The following RASSF3 variants were observed in gnomAD, a reference collection of about 807,000 sequenced individuals.
RASSF3 encodes ras association domain-containing protein 3.
A neutral mutation model predicts 19.9 loss-of-function variants in RASSF3; 19 were observed. The ratio of observed to expected loss-of-function variants is 0.96; its 90% CI spans 0.67 to 1.40. RASSF3 has a LOEUF of 1.40. Among genes scored for constraint, RASSF3 ranks in the 40% most tolerant of loss-of-function variants. The pLI, the probability that RASSF3 is intolerant of heterozygous loss-of-function variation, is 0.00. For synonymous variants in RASSF3, 110 were observed against 104.2 expected, an observed-to-expected ratio of 1.06 and a Z score of -0.34; for missense variants, 306 against 289.8, an observed-to-expected ratio of 1.06 and a Z score of -0.41.
Position 64,513,243 on chromosome 12 carries a change from G to A in RASSF3, c.169+5914G>A, listed in dbSNP as rs141437340. 1.5e-3 allele frequency among the ~76,000 whole-genome samples: 223 copies of A among 152,042 alleles called. 1 individual carries two copies. The highest frequency in any genetic ancestry group is 5.2e-3 in the African/African-American group (217 of 41,464). On this transcript the variant is annotated intron_variant, in intron 1 of 5. Coordinates refer to the RASSF3 transcript ENST00000637125. ...GTGGATCACCTGAGGTCAGGAGTTCGAGACCAGCCTGGCTAACATGGCAAA... is the reference window on the plus strand; with the variant it reads ...GTGGATCACCTGAGGTCAGGAGTTCAAGACCAGCCTGGCTAACATGGCAAA...
chr12:64,641,090 G>A (rs1871501595), intron 1 of RASSF3, among the ~76,000 whole-genome samples: 1 of 152,016 alleles, frequency 6.6e-6, no homozygotes. Flanking sequence ...GTTTCCATGT[G>A]ACTTAGAGCT....
chr12:64,573,318 A>G, intron 2 of RASSF3, among the ~76,000 whole-genome samples: 1 of 152,204 alleles, frequency 6.6e-6, no homozygotes, highest in East Asian at 1.9e-4. Context: ...CTTAAAAACA[A>G]ACAAACAAAA....
At chr12:64,526,237 G>A (rs1175710968) in intron 1 of RASSF3, among the ~76,000 whole-genome samples, 1 of 152,106 alleles carries the variant, frequency 6.6e-6, no homozygotes, top group Non-Finnish European at 1.5e-5. Flanking sequence ...ATGATGTTTT[G>A]AAATATGTAC....
At chr12:64,527,721 A>T (rs1466715699) in intron 1 of RASSF3, among the ~76,000 whole-genome samples, 1 of 152,018 alleles carries the variant, frequency 6.6e-6, no homozygotes, top group Non-Finnish European at 1.5e-5. Context: ...GATCACTTGA[A>T]GCCAGGAGTT....
chr12:64,507,133 T>TA, exon 1 of RASSF3: 1 of 398,544 alleles, frequency 2.5e-6, no homozygotes, highest in African/African-American at 2.1e-5. Flanking sequence ...TAAAGTGTCA[T>TA]ATGTGGGTGT....
At chr12:64,636,740 C>G (rs1352982278) in intron 1 of RASSF3, among the ~76,000 whole-genome samples, 5 of 151,960 alleles carry the variant, frequency 3.3e-5, no homozygotes, top group Non-Finnish European at 5.9e-5. Flanking sequence ...GTGGTGCATG[C>G]CTGTAATCCC....
At chr12:64,635,028 C>T (rs113248841) in intron 1 of RASSF3, among the ~76,000 whole-genome samples, 2,435 of 147,122 alleles carry the variant, frequency 0.017, 65 homozygotes, top group African/African-American at 0.059. Context: ...TACAGTGGTG[C>T]AGTCTTGGCT....
At chr12:64,688,550 G>A (rs508792) in intron 3 of RASSF3, 97 bp downstream of exon 3, 359,338 of 854,986 alleles carry the variant, frequency 0.42, 78,673 homozygotes, top group Middle Eastern at 0.52. Context: ...ATCCATGTCA[G>A]TTGTGTCAGA....
chr12:64,576,927 G>GCAGGAGGCA lies in RASSF3; in HGVS notation c.294+35225_294+35226insGAGGCACAG, dbSNP rs370879155. On this transcript the variant is annotated intron_variant, in intron 2 of 5. Transcript: ENST00000637125. ...TATGATATTATACAAAGTAAAGGAA[G>GCAGGAGGCA]CAGTGGCATGCATGCTATAATAACA... 1.8e-3 allele frequency among the ~76,000 whole-genome samples: 267 copies of GCAGGAGGCA among 151,026 alleles called. 1 individual carries two copies. Among genetic ancestry groups the GCAGGAGGCA allele is most frequent in the African/African-American group, 6.3e-3 (259 of 41,144 alleles).
At chr12:64,562,835 C>T (rs1339169162) in intron 2 of RASSF3, among the ~76,000 whole-genome samples, 1 of 152,036 alleles carries the variant, frequency 6.6e-6, no homozygotes, top group Non-Finnish European at 1.5e-5. Flanking sequence ...ACTTTGTTCC[C>T]CATGCTGGTC....
chr12:64,625,423 G>A (rs1222181468), intron 1 of RASSF3, among the ~76,000 whole-genome samples: 2 of 151,082 alleles, frequency 1.3e-5, no homozygotes, highest in Admixed American at 6.6e-5. Flanking sequence ...AAGAGTTTAT[G>A]TATAAGTTAA....
At chr12:64,524,350 G>A (rs1868540702) in intron 1 of RASSF3, among the ~76,000 whole-genome samples, 1 of 151,850 alleles carries the variant, frequency 6.6e-6, no homozygotes, top group East Asian at 1.9e-4. Flanking sequence ...GCCTCCCAAA[G>A]TGCTACGATT....
chr12:64,561,715 CTT>C (rs4046189), intron 2 of RASSF3, among the ~76,000 whole-genome samples: 15 of 127,586 alleles, frequency 1.2e-4, no homozygotes, highest in Admixed American at 2.6e-4. Flanking sequence ...TAGCATTTAT[CTT>C]TTTTTTTTTT....
intron 1 of RASSF3, among the ~76,000 whole-genome samples, chr12:64,536,295 C>T (rs1868826503): frequency 6.6e-6 from 1 of 152,178 alleles, no homozygotes; most frequent in Non-Finnish European, 1.5e-5. Flanking sequence ...CAGGCATGAA[C>T]CACCGTGCCC....
At chr12:64,535,083 G>GA (rs138219693) in intron 1 of RASSF3, among the ~76,000 whole-genome samples, 4,310 of 148,684 alleles carry the variant, frequency 0.029, 192 homozygotes, top group African/African-American at 0.098. Context: ...ACGTTTATAT[G>GA]AAAAAAAAAA....
chr12:64,678,648 C>CAAAAAAAAAAAAAAAAAAAAAA (rs767180678), intron 1 of RASSF3, among the ~76,000 whole-genome samples: 2 of 90,902 alleles, frequency 2.2e-5, no homozygotes, highest in East Asian at 3.4e-4. Flanking sequence ...TCCGTAATAC[C>CAAAAAAAAAAAAAAAAAAAAAA]AAAAAAAAAA....
In RASSF3 at chr12:64,695,594, T is replaced by C. The variant is rs988358902; in HGVS notation, c.*682T>C. 9.2e-5 allele frequency: 14 copies of C among 152,438 alleles called. No homozygotes were observed. Among genetic ancestry groups the C allele is most frequent in the Non-Finnish European group, 2.1e-4 (14 of 68,106 alleles). The allele number at this position is 152,438 out of a possible 1,614,324, so 9.4% of individuals were successfully genotyped here. ...TTGTAAACGAGTTAAAAGCATTCAGTGTGGAGGTGTTAAACCCATTTTAGG... is the reference window on the plus strand; with the variant it reads ...TTGTAAACGAGTTAAAAGCATTCAGCGTGGAGGTGTTAAACCCATTTTAGG... On this transcript the variant is annotated 3_prime_UTR_variant, in exon 5 of 5. Transcript: ENST00000542104.
chr12:64,658,134 A>G (rs945655214), intron 1 of RASSF3, among the ~76,000 whole-genome samples: 4 of 152,142 alleles, frequency 2.6e-5, no homozygotes, highest in African/African-American at 9.7e-5. Context: ...GTACTTGGAG[A>G]GTGCCCGTCA....
At chr12:64,525,140 G>A (rs1219495751) in intron 1 of RASSF3, among the ~76,000 whole-genome samples, 7 of 152,116 alleles carry the variant, frequency 4.6e-5, no homozygotes, top group African/African-American at 1.4e-4. Context: ...GCCAGGCGTG[G>A]TGGCGTGTGC....
Sources: allele counts gnomAD v4.1 joint callset (sites outside exome capture counted in the v4.1 genomes callset), GRCh38; gene constraint gnomAD v4.1.1; transcripts MANE v1.5; gene names NCBI Gene and HGNC (gene_info 2026-07-23, HGNC 2026-07-21).